Variants in SASH1 observed in about 807,000 individuals in gnomAD.
SASH1 encodes SAM and SH3 domain containing 1, also known as SAM and SH3 domain-containing protein 1.
Under a neutral mutation model 125.2 loss-of-function variants are expected in SASH1, and 44 were observed. The observed-to-expected ratio is 0.35, with a 90% CI of 0.28 to 0.45. The LOEUF is 0.45. Among genes scored for constraint, SASH1 ranks in the 20% least tolerant of loss-of-function variants. SASH1 has a pLI of 1.00. For missense variants in SASH1, 1,426 were observed against 1,614.5 expected, an observed-to-expected ratio of 0.88 and a Z score of 2.00; for synonymous variants, 639 against 649.1, an observed-to-expected ratio of 0.98 and a Z score of 0.24.
At chr6:148,282,382 A>ATT (rs58971872) in intron 1 of SASH1, among the ~76,000 whole-genome samples, 44 of 150,010 alleles carry the variant, frequency 2.9e-4, no homozygotes, top group East Asian at 2.8e-3. Context: ...TGCCCAGGAG[A>ATT]TTTTTTTTTT....
chr6:148,220,041 C>T, the SASH1 span, among the ~76,000 whole-genome samples: 19 of 152,194 alleles, frequency 1.2e-4, no homozygotes, highest in Non-Finnish European at 2.2e-4. Context: ...TCTAAGCCTG[C>T]GAAAGCACCT....
the SASH1 span, among the ~76,000 whole-genome samples, chr6:148,244,903 C>CGT: frequency 1.3e-5 from 1 of 78,236 alleles, no homozygotes; most frequent in African/African-American, 5.6e-5. Context: ...AGGCCTGGGG[C>CGT]ATGTGTGTGT....
At chr6:148,258,372 G>A in the SASH1 span, among the ~76,000 whole-genome samples, 3 of 152,152 alleles carry the variant, frequency 2.0e-5, no homozygotes, top group African/African-American at 7.2e-5. Flanking sequence ...TTTTGGACCA[G>A]GCTGCACTAA....
chr6:148,309,166 G>A (rs1780230655), intron 1 of SASH1, among the ~76,000 whole-genome samples: 1 of 152,012 alleles, frequency 6.6e-6, no homozygotes, highest in African/African-American at 2.4e-5. Context: ...TGCTGCCTGG[G>A]GGGAAAAAAG....
Position 148,449,078 on chromosome 6 carries a change from C to CTTTTTTTTTTTTTTTTTTTTTTTTTT in SASH1, c.386+8686_386+8687insTTTTTTTTTTTTTTTTTTTTTTTTTT. ...GAGACTGGCTAATTTCATTTCATTT[C>CTTTTTTTTTTTTTTTTTTTTTTTTTT]TTTTTTTTTTTTTTTGGAGACAGAG... is the stretch of plus-strand genomic sequence containing the variant. On this transcript the variant is annotated intron_variant, in intron 4 of 19. Coordinates refer to ENST00000367467, the MANE Select transcript of SASH1 (RefSeq NM_015278.5). 7.8e-4 allele frequency among the ~76,000 whole-genome samples: 69 copies of CTTTTTTTTTTTTTTTTTTTTTTTTTT among 88,680 alleles called. 1 individual carries two copies. Among genetic ancestry groups the CTTTTTTTTTTTTTTTTTTTTTTTTTT allele is most frequent in the Middle Eastern group, 6.3e-3 (1 of 158 alleles). The allele number at this position is 88,680 out of a possible 152,430, so 58.2% of individuals were successfully genotyped here. A position where few individuals can be genotyped will look rare whatever the true frequency, so the allele number is the denominator to read the frequency against.
At chr6:148,360,004 C>T (rs919481143) in intron 1 of SASH1, among the ~76,000 whole-genome samples, 1 of 152,130 alleles carries the variant, frequency 6.6e-6, no homozygotes, top group Non-Finnish European at 1.5e-5. Context: ...GTGATCCACC[C>T]GCCTCCGCTC....
At chr6:148,325,434 GC>G (rs1780771702) in intron 1 of SASH1, among the ~76,000 whole-genome samples, 1 of 151,908 alleles carries the variant, frequency 6.6e-6, no homozygotes, top group African/African-American at 2.4e-5. Context: ...ATGCCACCAC[GC>G]CCAGCTAATT....
chr6:148,441,617 G>A (rs1263382193), intron 4 of SASH1, among the ~76,000 whole-genome samples: 1 of 152,146 alleles, frequency 6.6e-6, no homozygotes, highest in Non-Finnish European at 1.5e-5. Flanking sequence ...TCGAGTGAAC[G>A]GGCTGTAGCT....
At chr6:148,278,533 T>C (rs1779251253) in intron 1 of SASH1, 2 of 152,056 alleles carry the variant, frequency 1.3e-5, no homozygotes, top group African/African-American at 2.4e-5. Context: ...TAATTTACTT[T>C]TAAATTTAAT....
chr6:148,536,770 C>G (rs1781871400), intron 16 of SASH1, among the ~76,000 whole-genome samples: 1 of 152,202 alleles, frequency 6.6e-6, no homozygotes, highest in African/African-American at 2.4e-5. Context: ...GGCTGAGACC[C>G]ATCATTCCTC....
chr6:148,443,415 C>T (rs1056435631), intron 4 of SASH1, among the ~76,000 whole-genome samples: 32 of 52,600 alleles, frequency 6.1e-4, no homozygotes, highest in African/African-American at 2.1e-3. Flanking sequence ...TGAGAAGTTA[C>T]AATTTCTTCT....
intron 2 of SASH1, among the ~76,000 whole-genome samples, chr6:148,394,641 C>T (rs1223454870): frequency 2.0e-5 from 3 of 152,042 alleles, no homozygotes; most frequent in Non-Finnish European, 2.9e-5. Flanking sequence ...CTATCTCTCT[C>T]TCTTTCTTTC....
At chr6:148,451,041 C>A (rs575729232) in intron 4 of SASH1, among the ~76,000 whole-genome samples, 105 of 152,328 alleles carry the variant, frequency 6.9e-4, no homozygotes, top group Non-Finnish European at 1.1e-3. Context: ...ACATTCATGC[C>A]TTTGCCTGTG....
chr6:148,426,651 C>T (rs777960116), intron 2 of SASH1, among the ~76,000 whole-genome samples: 9 of 152,072 alleles, frequency 5.9e-5, no homozygotes, highest in Non-Finnish European at 8.8e-5. Flanking sequence ...TGAAGTGGTG[C>T]GTGTCTGTTT....
intron 8 of SASH1, among the ~76,000 whole-genome samples, chr6:148,498,286 C>A (rs1459582314): frequency 6.6e-6 from 1 of 151,536 alleles, no homozygotes; most frequent in Non-Finnish European, 1.5e-5. Flanking sequence ...TAGTGTGCAT[C>A]TGTAGTCCCA....
Position 148,415,030 on chromosome 6 carries a change from G to A in SASH1, c.285+24768G>A, listed in dbSNP as rs553484613. 1.2e-3 allele frequency among the ~76,000 whole-genome samples: 190 copies of A among 152,312 alleles called. 3 individuals are homozygous for A. The highest frequency in any genetic ancestry group is 4.3e-4 in the Non-Finnish European group (29 of 68,024). On this transcript the variant is annotated intron_variant, in intron 2 of 19. Transcript: ENST00000367467. ...TTTTAAAGTGCCAAGTATAATGCCT[G>A]ACTGTGCATTTAATCAACATGAGTC... is the stretch of plus-strand genomic sequence containing the variant.
chr6:148,296,774 G>A (rs1009328769), intron 1 of SASH1, among the ~76,000 whole-genome samples: 1 of 152,216 alleles, frequency 6.6e-6, no homozygotes, highest in Non-Finnish European at 1.5e-5. Flanking sequence ...TCAAGGACAA[G>A]GGCTTCTTCC....
chr6:148,196,196 T>C, the SASH1 span, among the ~76,000 whole-genome samples: 3 of 152,226 alleles, frequency 2.0e-5, no homozygotes, highest in East Asian at 5.8e-4. Context: ...TGGAGTCACT[T>C]AGAAGTTCAC....
the SASH1 span, among the ~76,000 whole-genome samples, chr6:148,257,089 C>CA: frequency 1.3e-5 from 2 of 151,984 alleles, no homozygotes; most frequent in Admixed American, 6.6e-5. Context: ...CGGCTGTTAA[C>CA]AAAAAATACA....
Sources: gnomAD v4.1 joint callset for allele counts (sites outside exome capture counted in the v4.1 genomes callset) on GRCh38, gnomAD v4.1.1 for gene constraint, MANE v1.5 for transcripts, NCBI Gene and HGNC (gene_info 2026-07-23, HGNC 2026-07-21) for gene names.